Variants in MON2 observed in about 807,000 individuals in gnomAD.
MON2 encodes the protein MON2 regulator of endosome-to-Golgi trafficking, also known as protein MON2 homolog.
Under a neutral mutation model 208.6 loss-of-function variants are expected in MON2, and 84 were observed. The ratio of observed to expected loss-of-function variants is 0.40; its 90% CI spans 0.34 to 0.48. The LOEUF is 0.48. MON2 is among the 20% of genes least tolerant of loss of function. The pLI is 0.59. For missense variants in MON2, 1,611 were observed against 2,015.4 expected (o/e 0.80, Z 3.84); for synonymous variants, 660 against 694.0 (o/e 0.95, Z 0.77).
chr12:62,468,795 GCT>G (rs2068639667), intron 1 of MON2, among the ~76,000 whole-genome samples: 1 of 152,126 alleles, frequency 6.6e-6, no homozygotes, highest in Non-Finnish European at 1.5e-5. Context: ...TAAGAGAAAT[GCT>G]CTCATTTAGA....
chr12:62,488,118 T>G lies in MON2; in HGVS notation c.175+3885T>G, dbSNP rs533348072. On this transcript the variant is annotated intron_variant, in intron 2 of 34. Transcript: ENST00000393630. ...CCTCTAGTATGTTTTTCTACCTCTC[T>G]TTAATTTTACGTGATTTGAGTACGT... is the stretch of plus-strand genomic sequence containing the variant. 1.1e-4 allele frequency among the ~76,000 whole-genome samples: 16 copies of G among 152,310 alleles called. No homozygotes were observed. In the South Asian group the frequency reaches 3.3e-3, roughly 32 times the overall value.
At chr12:62,541,204 A>T (rs1263337516) in intron 19 of MON2, among the ~76,000 whole-genome samples, 2 of 152,096 alleles carry the variant, frequency 1.3e-5, no homozygotes, top group Non-Finnish European at 2.9e-5. Flanking sequence ...CAACATAGGG[A>T]ACCTCTTCTC....
At chr12:62,569,643 G>C (rs1464920877) in intron 29 of MON2, among the ~76,000 whole-genome samples, 3 of 152,058 alleles carry the variant, frequency 2.0e-5, no homozygotes, top group East Asian at 1.9e-4. Flanking sequence ...GATCAACTTT[G>C]GTCCCATACC....
At chr12:62,534,455 G>T (rs2072810675) in intron 12 of MON2, among the ~76,000 whole-genome samples, 1 of 141,816 alleles carries the variant, frequency 7.1e-6, no homozygotes, top group Non-Finnish European at 1.5e-5. Flanking sequence ...GGAGGCGAAG[G>T]TTGCAGTGAG....
At chr12:62,589,802 A>T (rs2075338508) in intron 34 of MON2, among the ~76,000 whole-genome samples, 1 of 152,058 alleles carries the variant, frequency 6.6e-6, no homozygotes, top group South Asian at 2.1e-4. Flanking sequence ...AAGGAAGCAA[A>T]AACTCAGTAA....
intron 11 of MON2, 148 bp downstream of exon 11, chr12:62,526,250 T>C (rs1161312631): frequency 1.4e-6 from 1 of 740,426 alleles, no homozygotes; most frequent in Non-Finnish European, 2.2e-6. Flanking sequence ...TTTTGAAAAT[T>C]GTATCTAGGA....
At chr12:62,513,542 A>G (rs1255822290) in intron 8 of MON2, among the ~76,000 whole-genome samples, 1 of 151,840 alleles carries the variant, frequency 6.6e-6, no homozygotes, top group Admixed American at 6.6e-5. Flanking sequence ...TTTCTTTTCT[A>G]TTGCATTGTC....
Position 62,600,463 on chromosome 12 carries a change from T to C in MON2, c.*7714T>C, listed in dbSNP as rs2075598999. 2 of 152,258 alleles carry C rather than the reference T, an allele frequency of 1.3e-5. No homozygotes were observed. Among genetic ancestry groups the C allele is most frequent in the South Asian group, 4.1e-4 (2 of 4,836 alleles). 9.4% of individuals were successfully genotyped at this position (152,258 alleles called of 1,614,324 possible). On this transcript the variant is annotated 3_prime_UTR_variant, in exon 35 of 35. Transcript: ENST00000393630. Reference sequence around the variant, plus strand: ...GATACAAGACTATACAATTAAATACTGGTGTATCACTAACAACTGTTTAGA... The same window carrying C: ...GATACAAGACTATACAATTAAATACCGGTGTATCACTAACAACTGTTTAGA...
Position 62,524,545 on chromosome 12 carries a change from C to T in MON2, c.1015C>T (p.Leu339=). 2 of 1,611,960 alleles carry T rather than the reference C, an allele frequency of 1.2e-6. No homozygotes were observed. The highest frequency in any genetic ancestry group is 2.2e-5 in the South Asian group (2 of 91,026). The change falls in exon 9 of 35, where the codon CTG becomes TTG. Residue 339 remains leucine, a synonymous_variant. Transcript: ENST00000393630. ...VTECEIFLSL[L]VKFLDADKPQ... is the part of the protein sequence containing the mutation. ...TGAATGTGAGATATTTCTGTCACTTCTGGTGAAATTTCTGGATGCAGATAA... is the reference window on the plus strand; with the variant it reads ...TGAATGTGAGATATTTCTGTCACTTTTGGTGAAATTTCTGGATGCAGATAA...
chr12:62,549,924 G>C lies in MON2; in HGVS notation c.2916+94G>C, dbSNP rs747349191. 6.4e-5 allele frequency: 49 copies of C among 760,654 alleles called. No individual in the cohort carries two copies. In the Middle Eastern group the frequency reaches 1.3e-3, roughly 20 times the overall value. The allele number at this position is 760,654 out of a possible 1,614,324, so 47.1% of individuals were successfully genotyped here. ...TAAGCAAATATACTTTTAGCTCTTT[G>C]CAAATTGTTTATATGGCTTTTAAAT... On this transcript the variant is annotated intron_variant, in intron 23 of 34. Transcript: ENST00000393630.
chr12:62,565,057 G>A (rs2074328603), intron 26 of MON2, 180 bp from the exon 27 acceptor site: 2 of 545,514 alleles, frequency 3.7e-6, no homozygotes, highest in Non-Finnish European at 6.2e-6. Flanking sequence ...AACAGTTTCA[G>A]CCTATACTTT....
Position 62,467,302 on chromosome 12 carries a change from T to C in MON2, c.95T>C (p.Phe32Ser), listed in dbSNP as rs749285213. Reference sequence around the variant, plus strand: ...TTGTCACTGGAGTGCAAGAAGAAATTCCCACCTGTCAAAGAGGTAAGCTTC... The same window carrying C: ...TTGTCACTGGAGTGCAAGAAGAAATCCCCACCTGTCAAAGAGGTAAGCTTC... The part of the protein sequence containing the change: ...RALSLECKKK[F>S]PPVKEAAESG... Residue 32 changes from phenylalanine to serine, a missense_variant, in exon 1 of 35, where the codon TTC becomes TCC. Coordinates refer to ENST00000393630, the MANE Select transcript of MON2 (RefSeq NM_015026.3). 6.2e-7 allele frequency: 1 copy of C among 1,613,926 alleles called. No homozygotes were observed. Among genetic ancestry groups the C allele is most frequent in the Non-Finnish European group, 8.5e-7 (1 of 1,179,940 alleles).
At chr12:62,497,437 T>C (rs1182981538) in intron 4 of MON2, among the ~76,000 whole-genome samples, 1 of 152,160 alleles carries the variant, frequency 6.6e-6, no homozygotes, top group African/African-American at 2.4e-5. Flanking sequence ...TTTAGTGTTA[T>C]TATTAGGGAC....
intron 7 of MON2, 88 bp from the exon 8 acceptor site, chr12:62,508,198 T>C: frequency 1.0e-6 from 1 of 966,366 alleles, no homozygotes; most frequent in Non-Finnish European, 1.6e-6. Flanking sequence ...TATTAAGAAG[T>C]TTTGTTTCCT....
At chr12:62,491,267 A>G (rs2070120009) in intron 2 of MON2, among the ~76,000 whole-genome samples, 1 of 152,186 alleles carries the variant, frequency 6.6e-6, no homozygotes, top group Non-Finnish European at 1.5e-5. Flanking sequence ...CTCAGAGACA[A>G]TAGTGAAGTA....
chr12:62,549,621 TAAATA>T, intron 22 of MON2, 42 bp from the exon 23 acceptor site: 1 of 1,507,514 alleles, frequency 6.6e-7, no homozygotes, highest in East Asian at 2.3e-5. Context: ...CAAAAATAAA[TAAATA>T]AATAAAATAA....
chr12:62,583,960 CAAA>C (rs1301473051), intron 32 of MON2, among the ~76,000 whole-genome samples: 1 of 55,990 alleles, frequency 1.8e-5, no homozygotes. Flanking sequence ...GACCCTGTCT[CAAA>C]AAAAAAAAAA....
At chr12:62,564,429 A>G (rs2074302870) in intron 26 of MON2, among the ~76,000 whole-genome samples, 1 of 152,044 alleles carries the variant, frequency 6.6e-6, no homozygotes, top group African/African-American at 2.4e-5. Context: ...TAATATCATT[A>G]AATGTTTTTC....
chr12:62,510,871 A>G (rs2071361070), intron 8 of MON2, among the ~76,000 whole-genome samples: 1 of 152,230 alleles, frequency 6.6e-6, no homozygotes, highest in Admixed American at 6.5e-5. Flanking sequence ...TTGCTAATGT[A>G]TGTTTTATCT....
Sources: gnomAD v4.1 joint callset for allele counts (sites outside exome capture counted in the v4.1 genomes callset) on GRCh38, gnomAD v4.1.1 for gene constraint, MANE v1.5 for transcripts, NCBI Gene and HGNC (gene_info 2026-07-23, HGNC 2026-07-21) for gene names.